Variants in N4BP1 observed in about 807,000 individuals in gnomAD.
N4BP1 encodes NEDD4-binding protein 1.
Under a neutral mutation model 70.9 loss-of-function variants are expected in N4BP1, and 21 were observed. The observed-to-expected ratio is 0.30, with a 90% confidence interval of 0.21 to 0.43. The LOEUF is 0.43. Ranked by LOEUF, N4BP1 falls within the 20% of genes least tolerant of loss-of-function variation. N4BP1 has a pLI of 1.00. For missense variants in N4BP1, 936 were observed against 1,069.4 expected, an observed-to-expected ratio of 0.88 and a Z score of 1.74; for synonymous variants, 387 against 394.6, an observed-to-expected ratio of 0.98 and a Z score of 0.23.
At chr16:48,584,469 TA>T (rs1353322072) in intron 1 of N4BP1, among the ~76,000 whole-genome samples, 1 of 152,206 alleles carries the variant, frequency 6.6e-6, no homozygotes, top group Non-Finnish European at 1.5e-5. Flanking sequence ...CATTAGATTA[TA>T]AAGTTTCTCA....
chr16:48,561,623 T>C lies in N4BP1; in HGVS notation c.1020A>G (p.Glu340=). The C allele has an allele frequency of 6.2e-7, 1 of 1,613,286 alleles. No individual in the cohort carries two copies. Among genetic ancestry groups the C allele is most frequent in the South Asian group, 1.1e-5 (1 of 90,900 alleles). The change falls in exon 2 of 7, where the codon GAA becomes GAG. Residue 340 remains glutamate, a synonymous_variant. Coordinates refer to ENST00000262384, the MANE Select transcript of N4BP1 (RefSeq NM_153029.4). ...TGTTGTATTCCATTTCCTCAGTAGTTTCTTTTATATCTGGACTTAAATTTT... is the reference window on the plus strand; with the variant it reads ...TGTTGTATTCCATTTCCTCAGTAGTCTCTTTTATATCTGGACTTAAATTTT... The part of the protein sequence containing the change: ...DSENLSPDIK[E]TTEEMEYNIL...
chr16:48,541,162 A>G lies in N4BP1; in HGVS notation c.*1742T>C, dbSNP rs1963492612. ...TGGGTTTCCTCTGAAGCAGAGGAGA[A>G]ATAGTGGGTCAGCCAGGCTGCTGGA... On this transcript the variant is annotated 3_prime_UTR_variant, in exon 7 of 7. Transcript: ENST00000262384. 6.6e-6 allele frequency: 1 copy of G among 152,296 alleles called. No homozygotes were observed. Among genetic ancestry groups the G allele is most frequent in the Admixed American group, 6.5e-5 (1 of 15,286 alleles). 9.4% of individuals were successfully genotyped at this position (152,296 alleles called of 1,614,324 possible). A position where few individuals can be genotyped will look rare whatever the true frequency, so the allele number is the denominator to read the frequency against.
chr16:48,590,552 C>T (rs982115513), intron 1 of N4BP1, among the ~76,000 whole-genome samples: 2 of 152,212 alleles, frequency 1.3e-5, no homozygotes, highest in Non-Finnish European at 2.9e-5. Context: ...GGTAGCACCC[C>T]TCTGGCAATG....
At chr16:48,551,359 C>T in intron 4 of N4BP1, 27 bp downstream of exon 4, 3 of 1,600,228 alleles carry the variant, frequency 1.9e-6, no homozygotes, top group Non-Finnish European at 2.6e-6. Context: ...CCACTCCAAC[C>T]TTAGGAAGGA....
At chr16:48,551,959 AG>A (rs1332209112) in intron 3 of N4BP1, among the ~76,000 whole-genome samples, 1 of 152,182 alleles carries the variant, frequency 6.6e-6, no homozygotes, top group Non-Finnish European at 1.5e-5. Context: ...CAGAGGTTGC[AG>A]AGAGCTGAGA....
intron 1 of N4BP1, among the ~76,000 whole-genome samples, chr16:48,572,748 C>T (rs1017888277): frequency 6.6e-6 from 1 of 151,988 alleles, no homozygotes; most frequent in African/African-American, 2.4e-5. Context: ...CAAAAGGATG[C>T]TAAATAGAGA....
chr16:48,554,507 TAA>T (rs1056635997), intron 2 of N4BP1, among the ~76,000 whole-genome samples: 6 of 152,106 alleles, frequency 3.9e-5, no homozygotes, highest in Non-Finnish European at 8.8e-5. Flanking sequence ...AACGTGGAGA[TAA>T]AAAAGTGTTA....
At chr16:48,601,623 A>T (rs1401653063) in intron 1 of N4BP1, among the ~76,000 whole-genome samples, 1 of 152,260 alleles carries the variant, frequency 6.6e-6, no homozygotes. Context: ...TTATTTATCA[A>T]GTAATGTAAA....
chr16:48,608,682 G>C lies in N4BP1; in HGVS notation c.198+1093C>G, dbSNP rs79383169. ...AGGGGGGGAAGTAGATAGAGGTGCT[G>C]AAGAGGTCTGAAATGCTGATTTAGG... On this transcript the variant is annotated intron_variant, in intron 1 of 6. Transcript: ENST00000262384. 7.3e-3 allele frequency among the ~76,000 whole-genome samples: 1,107 copies of C among 150,654 alleles called. 11 individuals carry two copies. Among genetic ancestry groups the C allele is most frequent in the African/African-American group, 0.026 (1,059 of 41,000 alleles).
At chr16:48,594,825 A>G (rs1482753272) in intron 1 of N4BP1, among the ~76,000 whole-genome samples, 1 of 152,220 alleles carries the variant, frequency 6.6e-6, no homozygotes, top group East Asian at 1.9e-4. Context: ...TTGTTATGTT[A>G]AATTATTGTG....
chr16:48,583,355 C>T (rs1964200511), intron 1 of N4BP1, among the ~76,000 whole-genome samples: 1 of 152,124 alleles, frequency 6.6e-6, no homozygotes, highest in African/African-American at 2.4e-5. Flanking sequence ...AAGTTGGTCT[C>T]CTACAAACAG....
chr16:48,596,003 A>T (rs1010544334), intron 1 of N4BP1, among the ~76,000 whole-genome samples: 2 of 152,166 alleles, frequency 1.3e-5, no homozygotes, highest in East Asian at 3.9e-4. Flanking sequence ...AATTCCATCA[A>T]AGCCAATTTA....
At chr16:48,544,944 C>T (rs1479814309) in intron 6 of N4BP1, among the ~76,000 whole-genome samples, 1 of 152,118 alleles carries the variant, frequency 6.6e-6, no homozygotes, top group Non-Finnish European at 1.5e-5. Context: ...TAAGTGACCA[C>T]CAGCTTGGAA....
intron 1 of N4BP1, among the ~76,000 whole-genome samples, chr16:48,591,408 T>G (rs976703634): frequency 6.6e-6 from 1 of 152,126 alleles, no homozygotes; most frequent in African/African-American, 2.4e-5. Flanking sequence ...ACCATCTCTT[T>G]GAAACACCTT....
rs193274287 is a variant in N4BP1, at chr16:48,562,611, T to C, written c.199-167A>G. On this transcript the variant is annotated intron_variant, in intron 1 of 6. Coordinates refer to ENST00000262384, the MANE Select transcript of N4BP1 (RefSeq NM_153029.4). ...TAAATAAAACATTGAAAATAACAGA[T>C]ATAACTTGCTTAAACCATCTTTAGA... Among the ~76,000 whole-genome samples the C allele has an allele frequency of 2.3e-3, 354 of 152,314 alleles. 2 individuals carry two copies. The highest frequency in any genetic ancestry group is 8.2e-3 in the African/African-American group (341 of 41,574).
intron 1 of N4BP1, among the ~76,000 whole-genome samples, chr16:48,609,077 T>C (rs1234030922): frequency 6.9e-6 from 1 of 144,222 alleles, no homozygotes; most frequent in Non-Finnish European, 1.5e-5. Context: ...GAGCCGGGCG[T>C]GGTGGCGCGC....
intron 1 of N4BP1, among the ~76,000 whole-genome samples, chr16:48,570,680 T>C (rs757181176): frequency 7.9e-5 from 12 of 152,176 alleles, no homozygotes; most frequent in Non-Finnish European, 1.8e-4. Context: ...TTGTTCTAAA[T>C]CTGCCTGCTA....
intron 1 of N4BP1, among the ~76,000 whole-genome samples, chr16:48,563,277 C>T (rs889921509): frequency 6.6e-6 from 1 of 151,998 alleles, no homozygotes; most frequent in African/African-American, 2.4e-5. Flanking sequence ...ATCGCTTCAG[C>T]CCAGGAGACT....
At chr16:48,609,023 C>G (rs1229242426) in intron 1 of N4BP1, among the ~76,000 whole-genome samples, 1 of 147,714 alleles carries the variant, frequency 6.8e-6, no homozygotes, top group Non-Finnish European at 1.5e-5. Flanking sequence ...GAGACCTGCC[C>G]GGGCAACATA....
Sources: gnomAD v4.1 joint callset for allele counts (sites outside exome capture counted in the v4.1 genomes callset) on GRCh38, gnomAD v4.1.1 for gene constraint, MANE v1.5 for transcripts, NCBI Gene and HGNC (gene_info 2026-07-23, HGNC 2026-07-21) for gene names.